RAB6A: variants seen among roughly 807,000 people sequenced by gnomAD.
The protein encoded by RAB6A is RAB6A, member RAS oncogene family, also known as ras-related protein Rab-6A.
Under a neutral mutation model 32.3 loss-of-function variants are expected in RAB6A, and 8 were observed. The observed-to-expected ratio is 0.25, with a 90% CI of 0.15 to 0.45. The LOEUF is 0.45. Ranked by LOEUF, RAB6A falls within the 20% of genes least tolerant of loss-of-function variation. RAB6A has a pLI of 1.00. For missense variants in RAB6A, 104 were observed against 249.4 expected, an observed-to-expected ratio of 0.42 and a Z score of 3.93; for synonymous variants, 73 against 82.1, an observed-to-expected ratio of 0.89 and a Z score of 0.60.
chr11:73,699,420 C>T (rs1188966440), intron 6 of RAB6A, among the ~76,000 whole-genome samples: 1 of 152,084 alleles, frequency 6.6e-6, no homozygotes, highest in African/African-American at 2.4e-5. Flanking sequence ...AGACACTCAA[C>T]CAGAGCTAGG....
chr11:73,690,772 GT>G (rs1945542712), intron 6 of RAB6A, among the ~76,000 whole-genome samples: 1 of 150,634 alleles, frequency 6.6e-6, no homozygotes, highest in Admixed American at 6.6e-5. Context: ...GTTGGGTCCA[GT>G]GGGGTGGAAG....
chr11:73,693,075 G>A (rs1290240318), intron 6 of RAB6A, among the ~76,000 whole-genome samples: 1 of 151,992 alleles, frequency 6.6e-6, no homozygotes, highest in Non-Finnish European at 1.5e-5. Context: ...ATCACCTGAG[G>A]TCAGGAGTTC....
chr11:73,739,913 G>T (rs1379992878), intron 1 of RAB6A, among the ~76,000 whole-genome samples: 1 of 152,010 alleles, frequency 6.6e-6, no homozygotes, highest in Non-Finnish European at 1.5e-5. Flanking sequence ...CAAAAAATTA[G>T]CTGGGCTTGG....
intron 1 of RAB6A, among the ~76,000 whole-genome samples, chr11:73,756,398 A>G (rs1392488692): frequency 6.6e-6 from 1 of 152,170 alleles, no homozygotes. Context: ...TGACAATAAG[A>G]CATTTTTTCC....
At chr11:73,703,832 G>C (rs1945787955) in intron 6 of RAB6A, among the ~76,000 whole-genome samples, 1 of 152,118 alleles carries the variant, frequency 6.6e-6, no homozygotes, top group African/African-American at 2.4e-5. Context: ...CACTTTGGGA[G>C]GCCGAGATGG....
intron 6 of RAB6A, among the ~76,000 whole-genome samples, chr11:73,691,921 C>T (rs1945571114): frequency 6.6e-6 from 1 of 151,586 alleles, no homozygotes; most frequent in Non-Finnish European, 1.5e-5. Flanking sequence ...TGCAGTGAGC[C>T]GAGATCACAT....
At chr11:73,713,992 A>G (rs373382965) in intron 5 of RAB6A, among the ~76,000 whole-genome samples, 2 of 151,856 alleles carry the variant, frequency 1.3e-5, no homozygotes, top group African/African-American at 2.4e-5. Context: ...GGAGTTCGAG[A>G]CCAGCCTGGC....
chr11:73,729,715 G>C (rs922218969), intron 2 of RAB6A: 17 of 152,186 alleles, frequency 1.1e-4, no homozygotes, highest in African/African-American at 3.9e-4. Flanking sequence ...ATTAGAGATA[G>C]TAAACTCACC....
intron 2 of RAB6A, among the ~76,000 whole-genome samples, chr11:73,725,045 G>A (rs1423145617): frequency 6.6e-6 from 1 of 152,186 alleles, no homozygotes; most frequent in Non-Finnish European, 1.5e-5. Flanking sequence ...ATTGGCTTTT[G>A]ATAGGAGGAG....
chr11:73,716,722 C>T (rs1258108288), intron 4 of RAB6A, among the ~76,000 whole-genome samples: 1 of 152,166 alleles, frequency 6.6e-6, no homozygotes, highest in African/African-American at 2.4e-5. Flanking sequence ...ATCACTTACA[C>T]ATACCAAACA....
chr11:73,759,925 C>T, intron 1 of RAB6A: 17 of 838,494 alleles, frequency 2.0e-5, no homozygotes, highest in Non-Finnish European at 2.8e-5. Flanking sequence ...CGACGCTACC[C>T]CTTTCACCCC....
At chr11:73,709,141 A>G (rs1945899034) in intron 5 of RAB6A, among the ~76,000 whole-genome samples, 1 of 152,172 alleles carries the variant, frequency 6.6e-6, no homozygotes, top group Admixed American at 6.6e-5. Context: ...CTCTTATATA[A>G]CCACAGTACA....
At chr11:73,742,398 A>C (rs926246423) in intron 1 of RAB6A, among the ~76,000 whole-genome samples, 4 of 152,382 alleles carry the variant, frequency 2.6e-5, no homozygotes, top group Non-Finnish European at 5.9e-5. Context: ...TAAGCTTCCC[A>C]AAGTGCTGGG....
intron 1 of RAB6A, among the ~76,000 whole-genome samples, chr11:73,749,842 A>T (rs1418812639): frequency 6.6e-6 from 1 of 152,100 alleles, no homozygotes; most frequent in Admixed American, 6.6e-5. Context: ...AGCCTGGGTA[A>T]CAGAGCAAGA....
chr11:73,695,077 C>A (rs1945636068), intron 6 of RAB6A, among the ~76,000 whole-genome samples: 1 of 151,936 alleles, frequency 6.6e-6, no homozygotes, highest in Non-Finnish European at 1.5e-5. Flanking sequence ...TAGTTTTAAT[C>A]TATATATTTA....
chr11:73,747,243 T>C (rs1946603466), intron 1 of RAB6A, among the ~76,000 whole-genome samples: 1 of 151,544 alleles, frequency 6.6e-6, no homozygotes, highest in Non-Finnish European at 1.5e-5. Flanking sequence ...TCTTGCTCTG[T>C]CGCCCAGGCT....
chr11:73,707,125 G>GAAAA (rs397744539), intron 6 of RAB6A, among the ~76,000 whole-genome samples: 3 of 116,244 alleles, frequency 2.6e-5, no homozygotes, highest in Admixed American at 9.1e-5. Context: ...TCTCAAAAAA[G>GAAAA]AAAAAAAAAA....
intron 1 of RAB6A, among the ~76,000 whole-genome samples, chr11:73,749,481 C>A (rs900686300): frequency 1.3e-5 from 2 of 152,088 alleles, no homozygotes; most frequent in African/African-American, 4.8e-5. Flanking sequence ...AACCAAACAC[C>A]CACCACCTGT....
chr11:73,685,432 G>A (rs1196002450), intron 6 of RAB6A, among the ~76,000 whole-genome samples: 1 of 151,234 alleles, frequency 6.6e-6, no homozygotes, highest in African/African-American at 2.4e-5. Context: ...GGGACTACAG[G>A]TGCCTGTGCC....
Sources: allele counts gnomAD v4.1 joint callset (sites outside exome capture counted in the v4.1 genomes callset), GRCh38; gene constraint gnomAD v4.1.1; transcripts MANE v1.5; gene names NCBI Gene and HGNC (gene_info 2026-07-23, HGNC 2026-07-21).